The following RUNX1T1 variants were observed in gnomAD, a reference collection of about 807,000 sequenced individuals.
RUNX1T1 encodes the protein protein CBFA2T1.
In RUNX1T1, 4 loss-of-function variants were observed where a neutral mutation model predicts 62.8. That is an observed-to-expected ratio of 0.06 (90% CI 0.03 to 0.15). RUNX1T1 has a LOEUF of 0.15. Among genes scored for constraint, RUNX1T1 ranks in the 10% least tolerant of loss-of-function variants. The pLI is 1.00. For missense variants in RUNX1T1, 508 were observed against 754.3 expected (o/e 0.67, Z 3.82); for synonymous variants, 291 against 286.0 (o/e 1.02, Z -0.18).
upstream of RUNX1T1, among the ~76,000 whole-genome samples, chr8:92,063,271 T>A (rs184654362): frequency 5.9e-5 from 9 of 152,324 alleles, no homozygotes; most frequent in Admixed American, 1.3e-4. Context: ...AATAGAACAC[T>A]TTTTAGAAGC....
At chr8:92,000,259 T>A (rs1200851626) in intron 5 of RUNX1T1, among the ~76,000 whole-genome samples, 1 of 151,934 alleles carries the variant, frequency 6.6e-6, no homozygotes, top group Admixed American at 6.6e-5. Context: ...TGAGCCCAGA[T>A]CAGTCACTCC....
intron 3 of RUNX1T1, among the ~76,000 whole-genome samples, chr8:92,012,603 T>C (rs1822176364): frequency 6.6e-6 from 1 of 152,158 alleles, no homozygotes; most frequent in Non-Finnish European, 1.5e-5. Flanking sequence ...CAGTACTTCC[T>C]AACATTTTCT....
At chr8:92,054,811 T>C (rs1404036492) in intron 1 of RUNX1T1, among the ~76,000 whole-genome samples, 1 of 151,768 alleles carries the variant, frequency 6.6e-6, no homozygotes, top group South Asian at 2.1e-4. Context: ...CTGGCCAACA[T>C]GGTGAAACCC....
chr8:92,075,678 T>C (rs1213066883), intron 2 of RUNX1T1, among the ~76,000 whole-genome samples: 4 of 152,166 alleles, frequency 2.6e-5, no homozygotes, highest in Non-Finnish European at 2.9e-5. Context: ...TTATGAAACA[T>C]GGCAAGAAGC....
At chr8:92,006,842 C>T (rs534225032) in intron 4 of RUNX1T1, 1 of 152,038 alleles carries the variant, frequency 6.6e-6, no homozygotes, top group Non-Finnish European at 1.5e-5. Flanking sequence ...CCACCAACCG[C>T]CCTCAAGTCA....
At chr8:92,066,915 G>A (rs887576630), upstream of RUNX1T1, among the ~76,000 whole-genome samples, 2 of 152,162 alleles carry the variant, frequency 1.3e-5, no homozygotes, top group Non-Finnish European at 2.9e-5. Flanking sequence ...TTACATAAAT[G>A]TCTGTTGTAA....
At position 92,008,388 on chromosome 8, in the gene RUNX1T1, T is replaced by TCTCTCA. The variant is rs1554617950; in HGVS notation, c.477+2613_477+2614insTGAGAG. 3.7e-4 allele frequency among the ~76,000 whole-genome samples: 49 copies of TCTCTCA among 131,966 alleles called. No individual in the cohort carries two copies. In the East Asian group the frequency reaches 6.9e-3, roughly 19 times the overall value. 86.6% of individuals were successfully genotyped at this position (131,966 alleles called of 152,430 possible). On this transcript the variant is annotated intron_variant, in intron 4 of 10. Transcript: ENST00000396218. The stretch of plus-strand genomic sequence containing the variant: ...ACATATCTCTCTCTCTCTCTCTCTC[T>TCTCTCA]CACACACACACACACACACACACAC...
intron 1 of RUNX1T1, among the ~76,000 whole-genome samples, chr8:92,042,431 G>A (rs1323986797): frequency 6.6e-6 from 1 of 152,046 alleles, no homozygotes; most frequent in African/African-American, 2.4e-5. Context: ...CTCCCACCTC[G>A]GCCTTCTGAC....
At chr8:92,071,299 G>T (rs1042560129) in intron 2 of RUNX1T1, 5 of 152,042 alleles carry the variant, frequency 3.3e-5, no homozygotes, top group African/African-American at 1.2e-4. Flanking sequence ...AGCAATCTCT[G>T]AGCTACTAGC....
chr8:92,011,978 C>G (rs1302950973), intron 3 of RUNX1T1, among the ~76,000 whole-genome samples: 1 of 152,202 alleles, frequency 6.6e-6, no homozygotes, highest in Non-Finnish European at 1.5e-5. Flanking sequence ...TTCTCAACTT[C>G]TTCAGTCCCT....
upstream of RUNX1T1, among the ~76,000 whole-genome samples, chr8:92,101,391 G>C (rs1181895763): frequency 2.0e-5 from 3 of 152,154 alleles, no homozygotes; most frequent in Non-Finnish European, 4.4e-5. Flanking sequence ...GGCCTCTCCA[G>C]CTCTCCTGGT....
intron 1 of RUNX1T1, among the ~76,000 whole-genome samples, chr8:92,056,802 G>T (rs1406666148): frequency 6.6e-6 from 1 of 152,074 alleles, no homozygotes. Flanking sequence ...AATTTTGTCT[G>T]CCAAGGTGTT....
chr8:92,095,782 TCGCCTGCATGC>T (rs1837698598), intron 1 of RUNX1T1: 1 of 332,854 alleles, frequency 3.0e-6, no homozygotes, highest in Admixed American at 4.5e-5. Flanking sequence ...AGGCTAGAAG[TCGCCTGCATGC>T]CCAAATCTGC....
chr8:91,983,711 C>CCCT (rs1306518311), intron 8 of RUNX1T1, among the ~76,000 whole-genome samples: 8 of 152,186 alleles, frequency 5.3e-5, no homozygotes, highest in African/African-American at 1.9e-4. Context: ...AATCTCCAAT[C>CCCT]CTTTCATTAC....
intron 1 of RUNX1T1, among the ~76,000 whole-genome samples, chr8:92,025,038 G>A (rs1005677604): frequency 2.0e-5 from 3 of 152,186 alleles, no homozygotes; most frequent in South Asian, 4.1e-4. Flanking sequence ...TCCGTGGCCA[G>A]TATGAGAATA....
At chr8:91,963,305 G>C (rs1034505579) in intron 10 of RUNX1T1, among the ~76,000 whole-genome samples, 1 of 152,076 alleles carries the variant, frequency 6.6e-6, no homozygotes, top group African/African-American at 2.4e-5. Flanking sequence ...ACAACCTTCA[G>C]CTGTAGGAAG....
At chr8:91,957,045 GAAAGAGA>G (rs1238893007), downstream of RUNX1T1, 3 of 216,570 alleles carry the variant, frequency 1.4e-5, no homozygotes, top group African/African-American at 6.8e-5. Context: ...GAGAAAAAGA[GAAAGAGA>G]AAAGAGTAAG....
At chr8:91,991,667 C>T (rs371664119) in exon 6 of RUNX1T1, 3 of 1,613,868 alleles carry the variant, frequency 1.9e-6, no homozygotes, top group South Asian at 1.1e-5. Flanking sequence ...CCCTGAGGTC[C>T]CTGTGGCTGG....
upstream of RUNX1T1, among the ~76,000 whole-genome samples, chr8:92,100,986 GC>G (rs953879404): frequency 6.6e-6 from 1 of 152,122 alleles, no homozygotes; most frequent in African/African-American, 2.4e-5. Flanking sequence ...CTAAAAGGAG[GC>G]CCCCAACACT....
Sources: gnomAD v4.1 joint callset for allele counts (sites outside exome capture counted in the v4.1 genomes callset) on GRCh38, gnomAD v4.1.1 for gene constraint, MANE v1.5 for transcripts, NCBI Gene and HGNC (gene_info 2026-07-23, HGNC 2026-07-21) for gene names.